AGBL1: variants seen among roughly 807,000 people sequenced by gnomAD.
AGBL1 encodes the protein cytosolic carboxypeptidase 4.
Under a neutral mutation model 118.9 loss-of-function variants are expected in AGBL1, and 130 were observed. That is an observed-to-expected ratio of 1.09 (90% CI 0.95 to 1.26). AGBL1 has a LOEUF of 1.26. Ranked by LOEUF, AGBL1 falls within the 50% of genes most tolerant of loss-of-function variation. AGBL1 has a pLI of 0.00. For synonymous variants in AGBL1, 555 were observed against 478.9 expected (o/e 1.16, Z -2.08); for missense variants, 1,584 against 1,298.1 (o/e 1.22, Z -3.38).
intron 5 of AGBL1, among the ~76,000 whole-genome samples, chr15:86,165,881 C>T (rs1426509029): frequency 6.6e-6 from 1 of 152,182 alleles, no homozygotes; most frequent in African/African-American, 2.4e-5. Flanking sequence ...ATTGCATCTG[C>T]AACCTGACTC....
intron 1 of AGBL1, among the ~76,000 whole-genome samples, chr15:86,101,617 G>A (rs766508437): frequency 6.7e-6 from 1 of 148,598 alleles, no homozygotes; most frequent in Non-Finnish European, 1.5e-5. Flanking sequence ...TTATCATTGT[G>A]TAATGACATT....
At chr15:86,925,017 G>C (rs921584818) in intron 23 of AGBL1, among the ~76,000 whole-genome samples, 15 of 151,676 alleles carry the variant, frequency 9.9e-5, no homozygotes, top group Admixed American at 9.2e-4. Context: ...AAGGAGAATC[G>C]CTTGAACCCG....
chr15:86,246,738 C>G (rs2078727019), intron 6 of AGBL1, among the ~76,000 whole-genome samples: 1 of 152,184 alleles, frequency 6.6e-6, no homozygotes, highest in Admixed American at 6.5e-5. Flanking sequence ...CTATATGAAA[C>G]AAATTTATGA....
intron 22 of AGBL1, among the ~76,000 whole-genome samples, chr15:86,748,260 G>A (rs544784730): frequency 6.6e-6 from 1 of 152,098 alleles, no homozygotes; most frequent in African/African-American, 2.4e-5. Context: ...TGTGTCTGTT[G>A]GCAGCATAAA....
downstream of AGBL1, among the ~76,000 whole-genome samples, chr15:87,029,276 A>C (rs1289511445): frequency 1.3e-5 from 2 of 151,834 alleles, no homozygotes; most frequent in Admixed American, 1.3e-4. Flanking sequence ...TCAGGGGCTC[A>C]ATATCCTTTA....
intron 18 of AGBL1, among the ~76,000 whole-genome samples, chr15:86,440,759 A>G (rs1340858023): frequency 2.6e-5 from 4 of 152,158 alleles, no homozygotes; most frequent in Admixed American, 1.3e-4. Context: ...CACAAACACA[A>G]TAGGAATGGA....
chr15:86,954,525 A>G (rs987043610), intron 23 of AGBL1, among the ~76,000 whole-genome samples: 3 of 152,290 alleles, frequency 2.0e-5, no homozygotes, highest in African/African-American at 7.2e-5. Flanking sequence ...TGGATGCCAT[A>G]ATCCTAAGTG....
At chr15:86,820,127 A>T (rs1374460004) in intron 22 of AGBL1, among the ~76,000 whole-genome samples, 2 of 152,230 alleles carry the variant, frequency 1.3e-5, no homozygotes, top group Admixed American at 1.3e-4. Flanking sequence ...CTTACACCTT[A>T]TACAAAAATT....
intron 23 of AGBL1, among the ~76,000 whole-genome samples, chr15:86,974,620 T>C (rs1284458989): frequency 1.4e-5 from 2 of 143,634 alleles, no homozygotes; most frequent in East Asian, 2.0e-4. Context: ...AAATTATATA[T>C]ATTTATATAT....
intron 21 of AGBL1, among the ~76,000 whole-genome samples, chr15:86,643,276 A>G (rs904306872): frequency 2.6e-5 from 4 of 152,142 alleles, no homozygotes; most frequent in Non-Finnish European, 5.9e-5. Flanking sequence ...ATGTTTATTG[A>G]TCAATTTAGG....
At chr15:86,379,346 A>T (rs2081082382) in intron 17 of AGBL1, among the ~76,000 whole-genome samples, 1 of 152,062 alleles carries the variant, frequency 6.6e-6, no homozygotes, top group African/African-American at 2.4e-5. Context: ...GATAATATCC[A>T]CTCTTCATTA....
chr15:86,460,758 G>A (rs1262493273), intron 18 of AGBL1, among the ~76,000 whole-genome samples: 1 of 152,174 alleles, frequency 6.6e-6, no homozygotes, highest in African/African-American at 2.4e-5. Flanking sequence ...TTAAATGCTT[G>A]TCTCTGATTT....
Position 86,618,407 on chromosome 15 carries a change from G to A in AGBL1, c.2995-55866G>A, listed in dbSNP as rs183395968. On this transcript the variant is annotated intron_variant, in intron 21 of 22. Coordinates refer to ENST00000614907, the MANE Select transcript of AGBL1 (RefSeq NM_001386094.1). ...GTCTATTAAGGTGATAAAGCAAACGGAGCTAAAATATCTTTCTCCAGGTTT... is the reference window on the plus strand; with the variant it reads ...GTCTATTAAGGTGATAAAGCAAACGAAGCTAAAATATCTTTCTCCAGGTTT... Among the ~76,000 whole-genome samples, 20 of 152,228 alleles carry A rather than the reference G, an allele frequency of 1.3e-4. No homozygotes were observed. The East Asian group carries it at 3.7e-3, about 28-fold the overall frequency.
At chr15:86,139,699 A>G (rs1431217076) in intron 1 of AGBL1, 2 of 152,378 alleles carry the variant, frequency 1.3e-5, no homozygotes, top group East Asian at 3.8e-4. Context: ...AGAAAGTTAA[A>G]TTTTGATATC....
intron 1 of AGBL1, among the ~76,000 whole-genome samples, chr15:86,097,866 C>T (rs770235121): frequency 1.8e-4 from 27 of 152,024 alleles, no homozygotes; most frequent in Admixed American, 6.6e-5. Context: ...TATGGTAGTT[C>T]TATTTTTAGT....
intron 16 of AGBL1, among the ~76,000 whole-genome samples, chr15:86,286,867 G>C (rs553902251): frequency 6.6e-6 from 1 of 151,624 alleles, no homozygotes; most frequent in African/African-American, 2.4e-5. Context: ...AGTTCCTTTG[G>C]ATATATACCC....
At chr15:86,869,586 TC>T (rs143189574) in intron 22 of AGBL1, among the ~76,000 whole-genome samples, 17,445 of 152,102 alleles carry the variant, frequency 0.11, 1,271 homozygotes, top group Non-Finnish European at 0.15. Context: ...ACCCTGTAGA[TC>T]CGATATGTGG....
intron 22 of AGBL1, among the ~76,000 whole-genome samples, chr15:86,891,499 G>A (rs1324661474): frequency 1.3e-5 from 2 of 151,302 alleles, no homozygotes; most frequent in Non-Finnish European, 2.9e-5. Context: ...AGCCATACCT[G>A]ATTACACTGT....
intron 22 of AGBL1, among the ~76,000 whole-genome samples, chr15:86,878,935 T>A (rs959560917): frequency 6.6e-6 from 1 of 152,156 alleles, no homozygotes; most frequent in Non-Finnish European, 1.5e-5. Context: ...CAGCAGCTGG[T>A]CCCCGCCTGA....
Sources: allele counts gnomAD v4.1 joint callset (sites outside exome capture counted in the v4.1 genomes callset), GRCh38; gene constraint gnomAD v4.1.1; transcripts MANE v1.5; gene names NCBI Gene and HGNC (gene_info 2026-07-23, HGNC 2026-07-21).